PLEKHG4B: variants seen among roughly 807,000 people sequenced by gnomAD.
The protein encoded by PLEKHG4B is pleckstrin homology domain-containing family G member 4B.
Under a neutral mutation model 121.3 loss-of-function variants are expected in PLEKHG4B, and 111 were observed. That is an observed-to-expected ratio of 0.92 (90% CI 0.78 to 1.07). The LOEUF is 1.07. Among genes scored for constraint, PLEKHG4B ranks in the 50% least tolerant of loss-of-function variants. The probability of loss-of-function intolerance (pLI) is 0.00; values close to 1 mark genes in which losing one functional copy is unlikely to be tolerated. For missense variants in PLEKHG4B, 1,831 were observed against 1,757.8 expected (o/e 1.04, Z -0.74); for synonymous variants, 738 against 725.0 (o/e 1.02, Z -0.29).
intron 2 of PLEKHG4B, among the ~76,000 whole-genome samples, chr5:138,836 G>A (rs755061507): frequency 1.3e-5 from 2 of 152,262 alleles, no homozygotes; most frequent in Non-Finnish European, 2.9e-5. Context: ...ACAGTTAAGT[G>A]ATCTGTGTGC....
chr5:140,252 G>A lies in PLEKHG4B; in HGVS notation c.1013G>A (p.Arg338Gln), dbSNP rs1735115726. ...TDLGIPSSRR[R>Q]PPGDPTCVQP... ...CTGGGCATCCCGAGCAGCAGGAGGC[G>A]GCCGCCGGGGGACCCCACTTGTGTG... Residue 338 changes from arginine to glutamine, a missense_variant, in exon 3 of 20, where the codon CGG becomes CAG. Arg to Gln is a conservative substitution (Grantham distance 43). Transcript: ENST00000637938. 14 of 1,451,144 alleles carry A rather than the reference G, an allele frequency of 9.6e-6. No homozygotes were observed. The highest frequency in any genetic ancestry group is 2.3e-4 in the Middle Eastern group (1 of 4,336). 89.9% of individuals were successfully genotyped at this position (1,451,144 alleles called of 1,614,324 possible).
chr5:177,427 G>A (rs1326443099), intron 18 of PLEKHG4B, among the ~76,000 whole-genome samples: 1 of 152,156 alleles, frequency 6.6e-6, no homozygotes, highest in African/African-American at 2.4e-5. Flanking sequence ...AGATTTTCTA[G>A]TTAACTTTGT....
chr5:174,958 A>T (rs2126460852), intron 18 of PLEKHG4B, among the ~76,000 whole-genome samples: 1 of 152,084 alleles, frequency 6.6e-6, no homozygotes, highest in Middle Eastern at 3.4e-3. Context: ...TTTCTTCCCC[A>T]TGGGCACCCA....
At chr5:129,050 G>A (rs893136054) in intron 2 of PLEKHG4B, among the ~76,000 whole-genome samples, 1 of 152,324 alleles carries the variant, frequency 6.6e-6, no homozygotes, top group Admixed American at 6.5e-5. Flanking sequence ...AACAGGCCCT[G>A]AGGAAATGAA....
At chr5:168,865 CTTT>C (rs140551039) in intron 13 of PLEKHG4B, among the ~76,000 whole-genome samples, 2,495 of 100,386 alleles carry the variant, frequency 0.025, 21 homozygotes, top group Non-Finnish European at 0.035. Flanking sequence ...GAAGATTATT[CTTT>C]TTTTTTTTTT....
intron 2 of PLEKHG4B, among the ~76,000 whole-genome samples, chr5:125,780 G>GGT (rs1384164442): frequency 6.6e-6 from 1 of 152,092 alleles, no homozygotes; most frequent in African/African-American, 2.4e-5. Flanking sequence ...GTTTCTGCAG[G>GGT]GTGGGTCTAG....
At chr5:162,423 C>T (rs538512576) in intron 12 of PLEKHG4B, among the ~76,000 whole-genome samples, 58 of 152,340 alleles carry the variant, frequency 3.8e-4, no homozygotes, top group Non-Finnish European at 6.8e-4. Context: ...TGCCCCGTCA[C>T]GCCTCTCTCA....
intron 1 of PLEKHG4B, among the ~76,000 whole-genome samples, chr5:102,094 T>C (rs2126337235): frequency 1.5e-5 from 2 of 132,174 alleles, no homozygotes; most frequent in South Asian, 4.6e-4. Context: ...GGAAAAAGTC[T>C]ATAGGGGAGA....
chr5:155,716 C>T (rs6888246), intron 9 of PLEKHG4B, among the ~76,000 whole-genome samples: 28,301 of 152,184 alleles, frequency 0.19, 3,637 homozygotes, highest in African/African-American at 0.36. Context: ...TCGGAACGAG[C>T]CATTCCAACA....
Position 171,486 on chromosome 5 carries a change from A to G in PLEKHG4B, c.4050+42A>G, listed in dbSNP as rs765424663. On this transcript the variant is annotated intron_variant, in intron 16 of 19. Coordinates refer to ENST00000637938, the MANE Select transcript of PLEKHG4B (RefSeq NM_052909.5). ...CTGGCAGCTCAGGCAAGCTGGGGGA[A>G]TTTGAGGCTGCTGGTGAGAAAGTCT... 1.3e-5 allele frequency: 20 copies of G among 1,506,612 alleles called. No individual in the cohort carries two copies. The East Asian group carries it at 2.2e-4, about 16-fold the overall frequency. 93.3% of individuals were successfully genotyped at this position (1,506,612 alleles called of 1,614,324 possible).
At chr5:169,093 C>G in intron 13 of PLEKHG4B, 1 of 517,998 alleles carries the variant, frequency 1.9e-6, no homozygotes, top group Non-Finnish European at 3.4e-6. Context: ...CCAGGCTGGT[C>G]TCGATCTCTT....
At chr5:144,740 T>G in intron 5 of PLEKHG4B, 87 bp from the exon 6 acceptor site, 1 of 1,173,682 alleles carries the variant, frequency 8.5e-7, no homozygotes, top group Non-Finnish European at 1.2e-6. Flanking sequence ...AGGAAACCAG[T>G]AACAACTAGC....
intron 1 of PLEKHG4B, among the ~76,000 whole-genome samples, chr5:92,835 A>G (rs1733513309): frequency 2.0e-5 from 3 of 152,134 alleles, no homozygotes; most frequent in Non-Finnish European, 2.9e-5. Context: ...CCCGGAACAA[A>G]GAGAATTTTT....
intron 8 of PLEKHG4B, 102 bp downstream of exon 8, chr5:155,093 T>G (rs1249800286): frequency 1.9e-6 from 2 of 1,041,242 alleles, no homozygotes; most frequent in Non-Finnish European, 2.9e-6. Context: ...CCGTCCCTGA[T>G]CTGATGCTTG....
In PLEKHG4B at chr5:182,116, C is replaced by G. The variant is rs1332121940; in HGVS notation, c.4677C>G (p.Ser1559=). 1 of 1,614,018 alleles carries G rather than the reference C, an allele frequency of 6.2e-7. No individual in the cohort carries two copies. The highest frequency in any genetic ancestry group is 1.3e-5 in the African/African-American group (1 of 74,944). The stretch of plus-strand genomic sequence containing the variant: ...GCACCTCCTCTTCTAGCAGCCAGTC[C>G]TCCTCCATCCTGGGGTCGCTGGGCC... ...DSSTSSSSSQ[S]SSILGSLGLL... Residue 1559 remains serine (S), a synonymous_variant, in exon 20 of 20, where the codon TCC becomes TCG. Coordinates refer to ENST00000637938, the MANE Select transcript of PLEKHG4B (RefSeq NM_052909.5).
At chr5:127,062 G>T (rs1734639149) in intron 2 of PLEKHG4B, among the ~76,000 whole-genome samples, 2 of 152,100 alleles carry the variant, frequency 1.3e-5, no homozygotes, top group Non-Finnish European at 2.9e-5. Flanking sequence ...TATACATGTG[G>T]CTGGCAAAAG....
intron 6 of PLEKHG4B, 126 bp from the exon 7 acceptor site, chr5:151,386 GT>G (rs1233299566): frequency 3.8e-6 from 2 of 526,008 alleles, no homozygotes; most frequent in Middle Eastern, 4.9e-4. Context: ...AGTCAGCCAT[GT>G]TTTATGCACT....
rs369489081 is a variant in PLEKHG4B at position 143,178 on chromosome 5, G to C, written c.1609G>C (p.Asp537His). Residue 537 changes from aspartate to histidine, a missense_variant, in exon 4 of 20, where the codon GAC becomes CAC. Transcript: ENST00000637938. ...AGAAGGGTGGCCACCCGGCACAGGA[G>C]ACTTCCCCAGCCAGGTGCCCAAGCA... ...EQEGWPPGTG[D>H]FPSQVPKQVL... The C allele has an allele frequency of 8.1e-6, 13 of 1,611,796 alleles. No homozygotes were observed. In the African/African-American group the frequency reaches 1.7e-4, roughly 22 times the overall value.
In PLEKHG4B at chr5:183,514, C is replaced by G. The variant is rs191348613; in HGVS notation, c.*1191C>G. On this transcript the variant is annotated 3_prime_UTR_variant, in exon 20 of 20. Transcript: ENST00000637938. Reference sequence around the variant, plus strand: ...CAGCACTTTGGGAGGCCGAGGCAGGCGGATCACGAGGTCAGGAGATCAAGA... The same window carrying G: ...CAGCACTTTGGGAGGCCGAGGCAGGGGGATCACGAGGTCAGGAGATCAAGA... 6.6e-6 allele frequency: 1 copy of G among 152,110 alleles called. No individual in the cohort carries two copies. Among genetic ancestry groups the G allele is most frequent in the African/African-American group, 2.4e-5 (1 of 41,400 alleles). 9.4% of individuals were successfully genotyped at this position (152,110 alleles called of 1,614,324 possible).
Sources: allele counts gnomAD v4.1 joint callset (sites outside exome capture counted in the v4.1 genomes callset), GRCh38; gene constraint gnomAD v4.1.1; transcripts MANE v1.5; gene names NCBI Gene and HGNC (gene_info 2026-07-23, HGNC 2026-07-21).